Variants in RB1CC1 observed in about 807,000 individuals in gnomAD.
RB1CC1 encodes the protein RB1-inducible coiled-coil protein 1.
Under a neutral mutation model 177.5 loss-of-function variants are expected in RB1CC1, and 46 were observed. That is an observed-to-expected ratio of 0.26 (90% CI 0.20 to 0.33). The LOEUF is 0.33. Among genes scored for constraint, RB1CC1 ranks in the 10% least tolerant of loss-of-function variants. The pLI is 1.00. For synonymous variants in RB1CC1, 666 were observed against 613.6 expected (o/e 1.09, Z -1.26); for missense variants, 1,703 against 1,816.3 (o/e 0.94, Z 1.13).
Position 52,657,454 on chromosome 8 carries a change from G to A in RB1CC1, c.2375C>T (p.Thr792Ile), listed in dbSNP as rs1417559080. The change falls in exon 15 of 24, where the codon ACT becomes ATT. Residue 792 changes from threonine (T) to isoleucine (I), a missense_variant. Around this residue, in one of 6 missense-constraint regions of RB1CC1, gnomAD observed 1,169 missense variants for 1,184.7 expected, o/e 0.99. Coordinates refer to ENST00000025008, the MANE Select transcript of RB1CC1 (RefSeq NM_014781.5). ...TCTTTCCAACTGGACATTCAGAGAA[G>A]TATGATCTCCAAAATCCTCCTTACC... ...VCGKEDFGDHTSLNVQLERCR... is the reference protein window; with the variant it reads ...VCGKEDFGDHISLNVQLERCR... The A allele has an allele frequency of 1.9e-6, 3 of 1,613,676 alleles. No homozygotes were observed. Among genetic ancestry groups the A allele is most frequent in the Admixed American group, 1.7e-5 (1 of 60,028 alleles).
At chr8:52,651,987 G>A (rs1850626621) in intron 15 of RB1CC1, among the ~76,000 whole-genome samples, 1 of 152,110 alleles carries the variant, frequency 6.6e-6, no homozygotes, top group African/African-American at 2.4e-5. Flanking sequence ...TTTTGATTTA[G>A]TAACAAAGAA....
rs781240623 is a variant in RB1CC1, at chr8:52,656,259, A to G, written c.3570T>C (p.Leu1190=). ...QSKLDSELSA[L]ERQKDEKITQ... ...TAATTTTTTCATCTTTTTGTCTTTC[A>G]AGAGCACTCAATTCTGAATCCAATT... Residue 1190 remains leucine (L), a synonymous_variant, in exon 15 of 24, where the codon CTT becomes CTC. Transcript: ENST00000025008. The G allele has an allele frequency of 1.2e-6, 2 of 1,613,294 alleles. No homozygotes were observed. The highest frequency in any genetic ancestry group is 1.7e-6 in the Non-Finnish European group (2 of 1,179,770).
chr8:52,712,452 G>A (rs1275968406), intron 1 of RB1CC1, among the ~76,000 whole-genome samples: 2 of 137,212 alleles, frequency 1.5e-5, no homozygotes, highest in Admixed American at 7.5e-5. Flanking sequence ...ATTTGCTAAA[G>A]TAAATCTGCC....
chr8:52,625,797 T>C (rs752884011), intron 22 of RB1CC1, among the ~76,000 whole-genome samples: 7 of 152,192 alleles, frequency 4.6e-5, no homozygotes, highest in Non-Finnish European at 8.8e-5. Flanking sequence ...TATGAATGTG[T>C]ATCACTTTCA....
At chr8:52,675,446 A>G (rs1853010306) in intron 6 of RB1CC1, among the ~76,000 whole-genome samples, 1 of 152,152 alleles carries the variant, frequency 6.6e-6, no homozygotes, top group Non-Finnish European at 1.5e-5. Flanking sequence ...CACACACAAT[A>G]AGGGTTAGTT....
chr8:52,710,345 A>G (rs1173193377), intron 1 of RB1CC1, among the ~76,000 whole-genome samples: 3 of 152,252 alleles, frequency 2.0e-5, no homozygotes, highest in Non-Finnish European at 4.4e-5. Flanking sequence ...TGAAGCGAGC[A>G]TTTAGAAAGG....
Position 52,674,184 on chromosome 8 carries a change from A to T in RB1CC1, c.663T>A (p.Asp221Glu). 6.2e-7 allele frequency: 1 copy of T among 1,612,954 alleles called. No individual in the cohort carries two copies. Among genetic ancestry groups the T allele is most frequent in the Non-Finnish European group, 8.5e-7 (1 of 1,178,890 alleles). The change falls in exon 7 of 24, where the codon GAT becomes GAA. Residue 221 changes from aspartate to glutamate, a missense_variant. Physicochemically the swap from Asp to Glu is conservative, Grantham distance 45. Around this residue, in one of 6 missense-constraint regions of RB1CC1, gnomAD observed 315 missense variants for 304.9 expected, o/e 1.03. Coordinates refer to ENST00000025008, the MANE Select transcript of RB1CC1 (RefSeq NM_014781.5). Reference protein sequence around the residue: ...HSYRECLGRLDSLPEHEDSEK... With the variant: ...HSYRECLGRLESLPEHEDSEK... ...CTGAGTCTTCATGTTCAGGTAAAGA[A>T]TCCAGTCTTCCCAAACATTCTCTGT... is the stretch of plus-strand genomic sequence containing the variant.
chr8:52,680,658 T>C (rs1853608758), intron 5 of RB1CC1, among the ~76,000 whole-genome samples: 1 of 152,108 alleles, frequency 6.6e-6, no homozygotes, highest in African/African-American at 2.4e-5. Flanking sequence ...TACCTACTAG[T>C]AGCAGAACAG....
rs1848153376 is a variant in RB1CC1 at position 52,622,963 on chromosome 8, TC to T, written c.*818del. On this transcript the variant is annotated 3_prime_UTR_variant, in exon 24 of 24. Coordinates refer to ENST00000025008, the MANE Select transcript of RB1CC1 (RefSeq NM_014781.5). ...ACAATATTTTGTTATTTAAATGACC[TC>T]TAAATGGTTAATGTGCAATGAATAT... 2 of 152,138 alleles carry T rather than the reference TC, an allele frequency of 1.3e-5. No individual in the cohort carries two copies. The highest frequency in any genetic ancestry group is 4.8e-5 in the African/African-American group (2 of 41,410). 9.4% of individuals were successfully genotyped at this position (152,138 alleles called of 1,614,324 possible).
intron 5 of RB1CC1, among the ~76,000 whole-genome samples, chr8:52,679,033 T>G (rs983556088): frequency 6.6e-6 from 1 of 152,046 alleles, no homozygotes; most frequent in African/African-American, 2.4e-5. Flanking sequence ...ACACATACAA[T>G]ATATGCAGCA....
At chr8:52,675,477 A>G (rs1009787569) in intron 6 of RB1CC1, among the ~76,000 whole-genome samples, 1 of 152,118 alleles carries the variant, frequency 6.6e-6, no homozygotes, top group Non-Finnish European at 1.5e-5. Context: ...TTACCATTAT[A>G]TTTTCAGGTT....
intron 1 of RB1CC1, among the ~76,000 whole-genome samples, chr8:52,694,973 G>GT (rs1855252379): frequency 6.6e-6 from 1 of 152,168 alleles, no homozygotes; most frequent in East Asian, 1.9e-4. Context: ...TAGCTTTTTA[G>GT]TAGGAGTTCC....
chr8:52,640,122 T>C (rs1849445170), intron 18 of RB1CC1, among the ~76,000 whole-genome samples: 1 of 152,214 alleles, frequency 6.6e-6, no homozygotes, highest in African/African-American at 2.4e-5. Flanking sequence ...TTTTTGATAC[T>C]TTGGTTCTGA....
At chr8:52,633,227 G>A (rs1420981890) in intron 20 of RB1CC1, among the ~76,000 whole-genome samples, 1 of 152,050 alleles carries the variant, frequency 6.6e-6, no homozygotes, top group African/African-American at 2.4e-5. Context: ...CCTTAACCTT[G>A]GCAAAATAAA....
At chr8:52,688,356 G>C (rs1018021106) in intron 1 of RB1CC1, among the ~76,000 whole-genome samples, 2 of 152,116 alleles carry the variant, frequency 1.3e-5, no homozygotes, top group African/African-American at 4.8e-5. Context: ...TTAATACCCT[G>C]GGAAAGGAAT....
intron 5 of RB1CC1, among the ~76,000 whole-genome samples, chr8:52,678,202 G>A (rs1853325194): frequency 6.6e-6 from 1 of 152,058 alleles, no homozygotes; most frequent in Non-Finnish European, 1.5e-5. Flanking sequence ...GCGATCACCT[G>A]CGGTCAGGAG....
In RB1CC1 at chr8:52,634,855, A is replaced by G. The variant is rs1849009427; in HGVS notation, c.4440+66T>C. 16 of 1,333,592 alleles carry G rather than the reference A, an allele frequency of 1.2e-5. 1 individual carries two copies. In the South Asian group the frequency reaches 2.0e-4, roughly 17 times the overall value. 82.6% of individuals were successfully genotyped at this position (1,333,592 alleles called of 1,614,324 possible). On this transcript the variant is annotated intron_variant, in intron 20 of 23. Coordinates refer to ENST00000025008, the MANE Select transcript of RB1CC1 (RefSeq NM_014781.5). ...ATACATCCTCTGATGGAATATCTTC[A>G]TAATGAAATATAATGCAAATCATTT...
chr8:52,707,560 T>A (rs1856693152), intron 1 of RB1CC1, among the ~76,000 whole-genome samples: 1 of 151,854 alleles, frequency 6.6e-6, no homozygotes, highest in South Asian at 2.1e-4. Context: ...ACATAACCCT[T>A]ACTTAGGAAA....
chr8:52,629,192 T>A lies in RB1CC1; in HGVS notation c.4500-1024A>T, dbSNP rs935462732. 2.6e-5 allele frequency among the ~76,000 whole-genome samples: 4 copies of A among 152,178 alleles called. No homozygotes were observed. In the East Asian group the frequency reaches 5.8e-4, roughly 22 times the overall value. ...ACATGAAAAGTCAGAATCACAGATATCTGACAACCAAAAATGTGGTCAACA... is the reference window on the plus strand; with the variant it reads ...ACATGAAAAGTCAGAATCACAGATAACTGACAACCAAAAATGTGGTCAACA... On this transcript the variant is annotated intron_variant, in intron 21 of 23. Coordinates refer to ENST00000025008, the MANE Select transcript of RB1CC1 (RefSeq NM_014781.5).
Sources: gnomAD v4.1 joint callset for allele counts (sites outside exome capture counted in the v4.1 genomes callset) on GRCh38, gnomAD v4.1.1 for gene constraint, gnomAD v4.1.1 regional missense constraint, MANE v1.5 for transcripts, NCBI Gene and HGNC (gene_info 2026-07-23, HGNC 2026-07-21) for gene names.